B3GNT5: variants seen among roughly 807,000 people sequenced by gnomAD.
The protein encoded by B3GNT5 is lactosylceramide 1,3-N-acetyl-beta-D-glucosaminyltransferase.
A neutral mutation model predicts 25.9 loss-of-function variants in B3GNT5; 11 were observed. The observed-to-expected ratio is 0.42, with a 90% CI of 0.27 to 0.70. The LOEUF is 0.70. Among genes scored for constraint, B3GNT5 ranks in the 30% least tolerant of loss-of-function variants. B3GNT5 has a pLI of 0.23. For synonymous variants in B3GNT5, 166 were observed against 158.6 expected (o/e 1.05, Z -0.35); for missense variants, 385 against 458.4 (o/e 0.84, Z 1.46).
chr3:183,266,444 G>A (rs1408756170), intron 1 of B3GNT5, among the ~76,000 whole-genome samples: 2 of 152,216 alleles, frequency 1.3e-5, no homozygotes, highest in Non-Finnish European at 2.9e-5. Context: ...TCTCAAAAAT[G>A]TGTATGCTGG....
chr3:183,261,995 CAT>C (rs61309164), intron 1 of B3GNT5, among the ~76,000 whole-genome samples: 12,975 of 128,362 alleles, frequency 0.1, 1,961 homozygotes, highest in African/African-American at 0.32. Flanking sequence ...ATTGGGCATT[CAT>C]ATATATATAT....
intron 1 of B3GNT5, among the ~76,000 whole-genome samples, chr3:183,255,652 G>A (rs1367587093): frequency 6.6e-6 from 1 of 152,174 alleles, no homozygotes; most frequent in Non-Finnish European, 1.5e-5. Flanking sequence ...AGGTAGAGAT[G>A]CTTATAACTG....
intron 1 of B3GNT5, chr3:183,254,491 C>G (rs560011604): frequency 6.6e-6 from 1 of 152,248 alleles, no homozygotes; most frequent in South Asian, 2.1e-4. Flanking sequence ...CGGGCCGCCG[C>G]CCAGGTGCGG....
At position 183,267,396 on chromosome 3, in the gene B3GNT5, G is replaced by GA. The variant is rs1726257994; in HGVS notation, c.-301-2101dup. ...TGGCCTTTGCCTCCACCCTGATGTG[G>GA]AGTGATCATGGGGGTGGGAAATATA... On this transcript the variant is annotated intron_variant, in intron 1 of 1. Transcript: ENST00000326505. The surrounding 1 kb of genome is among the most constrained non-coding windows in gnomAD (Gnocchi z 5.5). 1.3e-5 allele frequency among the ~76,000 whole-genome samples: 2 copies of GA among 152,234 alleles called. No individual in the cohort carries two copies. Among genetic ancestry groups the GA allele is most frequent in the Admixed American group, 1.3e-4 (2 of 15,284 alleles).
rs143927350 is a variant in B3GNT5 at position 183,267,451 on chromosome 3, G to A, written c.-301-2047G>A. Among the ~76,000 whole-genome samples, 48 of 152,342 alleles carry A rather than the reference G, an allele frequency of 3.2e-4. No individual in the cohort carries two copies. Among genetic ancestry groups the A allele is most frequent in the African/African-American group, 1.1e-3 (44 of 41,582 alleles). On this transcript the variant is annotated intron_variant, in intron 1 of 1. Transcript: ENST00000326505. The surrounding 1 kb of genome is among the most constrained non-coding windows in gnomAD (Gnocchi z 5.5). The stretch of plus-strand genomic sequence containing the variant: ...GATCCGAAAGCTCTGAAGTGGGGAT[G>A]GAGGTGTCACAGCTGAGGCTAGGCC...
chr3:183,270,639 A>C lies in B3GNT5; in HGVS notation c.841A>C (p.Ile281Leu). 6.2e-7 allele frequency: 1 copy of C among 1,614,226 alleles called. No individual in the cohort carries two copies. The highest frequency in any genetic ancestry group is 8.5e-7 in the Non-Finnish European group (1 of 1,180,044). ...ACAGACACTAAATTCAAGTCTTTACATAGACGATGTGTTCATGGGCCTCTG... is the reference window on the plus strand; with the variant it reads ...ACAGACACTAAATTCAAGTCTTTACCTAGACGATGTGTTCATGGGCCTCTG... The part of the protein sequence containing the change: ...ASQTLNSSLY[I>L]DDVFMGLCAN... The change falls in exon 2 of 2, where the codon ATA (isoleucine) becomes CTA (leucine). Residue 281 changes from isoleucine (I) to leucine (L), a missense_variant. Ile to Leu is a conservative substitution (Grantham distance 5). Transcript: ENST00000326505. This position sits in a 1 kb window ranked among gnomAD's most constrained non-coding sequence, Gnocchi z 4.5.
In B3GNT5 at chr3:183,272,481, A is replaced by G; in HGVS notation, c.*1546A>G. On this transcript the variant is annotated 3_prime_UTR_variant, in exon 2 of 2. Transcript: ENST00000326505. Reference sequence around the variant, plus strand: ...TACACAACTGAATGATGATACTTACAATTTTTAGCAGGTAGCTTTTTAATG... The same window carrying G: ...TACACAACTGAATGATGATACTTACGATTTTTAGCAGGTAGCTTTTTAATG... The G allele has an allele frequency of 1.0e-6, 1 of 998,756 alleles. No individual in the cohort carries two copies. The highest frequency in any genetic ancestry group is 1.2e-6 in the Non-Finnish European group (1 of 828,846). 61.9% of individuals were successfully genotyped at this position (998,756 alleles called of 1,614,324 possible). A position where few individuals can be genotyped will look rare whatever the true frequency, so the allele number is the denominator to read the frequency against.
intron 1 of B3GNT5, among the ~76,000 whole-genome samples, chr3:183,262,719 G>T (rs767370565): frequency 1.1e-4 from 17 of 151,520 alleles, no homozygotes; most frequent in Admixed American, 3.9e-4. Context: ...TCTTCAGGGT[G>T]GGGGGGACAG....
Position 183,257,958 on chromosome 3 carries a change from C to CTTTTTT in B3GNT5, c.-302+4508_-302+4513dup, listed in dbSNP as rs35323502. On this transcript the variant is annotated intron_variant, in intron 1 of 1. Coordinates refer to ENST00000326505, the MANE Select transcript of B3GNT5 (RefSeq NM_032047.5). The stretch of plus-strand genomic sequence containing the variant: ...TATTCCTTGCTCCCTCCACTTCACC[C>CTTTTTT]TTTTTTTTTTTTTTTTTTTTTTTTT... Among the ~76,000 whole-genome samples the CTTTTTT allele has an allele frequency of 4.2e-3, 272 of 64,742 alleles. 50 individuals carry two copies. The highest frequency in any genetic ancestry group is 0.016 in the African/African-American group (232 of 14,400). The allele number at this position is 64,742 out of a possible 152,430, so 42.5% of individuals were successfully genotyped here.
At chr3:183,256,641 C>G (rs1286539001) in intron 1 of B3GNT5, among the ~76,000 whole-genome samples, 2 of 152,170 alleles carry the variant, frequency 1.3e-5, no homozygotes, top group Non-Finnish European at 2.9e-5. Flanking sequence ...GTTCTACAGC[C>G]TAAGATCCAC....
chr3:183,272,168 AT>A lies in B3GNT5; in HGVS notation c.*1234del. 1.0e-6 allele frequency: 1 copy of A among 1,000,300 alleles called. No individual in the cohort carries two copies. 62.0% of individuals were successfully genotyped at this position (1,000,300 alleles called of 1,614,324 possible). Reference sequence around the variant, plus strand: ...TTTTTAAAGCTGCATGTTCCTTGTAATCAAAGAGATGTGTCTGAGATCTAAT... The same window carrying A: ...TTTTTAAAGCTGCATGTTCCTTGTAACAAAGAGATGTGTCTGAGATCTAAT... On this transcript the variant is annotated 3_prime_UTR_variant, in exon 2 of 2. Coordinates refer to ENST00000326505, the MANE Select transcript of B3GNT5 (RefSeq NM_032047.5).
intron 1 of B3GNT5, among the ~76,000 whole-genome samples, chr3:183,264,816 G>C (rs929100159): frequency 6.6e-6 from 1 of 152,182 alleles, no homozygotes; most frequent in Admixed American, 6.5e-5. Flanking sequence ...AAAGTTTAAA[G>C]AGCTCTCTTG....
At position 183,270,620 on chromosome 3, in the gene B3GNT5, A is replaced by G. The variant is rs1243950974; in HGVS notation, c.822A>G (p.Thr274=). The change falls in exon 2 of 2, where the codon ACA becomes ACG. Residue 274 remains threonine, a synonymous_variant. Transcript: ENST00000326505. This position sits in a 1 kb window ranked among gnomAD's most constrained non-coding sequence, Gnocchi z 4.5. ...CCAAAGTCTATGAGGCATCACAGACACTAAATTCAAGTCTTTACATAGACG... is the reference window on the plus strand; with the variant it reads ...CCAAAGTCTATGAGGCATCACAGACGCTAAATTCAAGTCTTTACATAGACG... ...VAAKVYEASQ[T]LNSSLYIDDV... 3 of 1,614,102 alleles carry G rather than the reference A, an allele frequency of 1.9e-6. No homozygotes were observed. Among genetic ancestry groups the G allele is most frequent in the Non-Finnish European group, 2.5e-6 (3 of 1,180,052 alleles).
At chr3:183,255,890 G>A (rs937018664) in intron 1 of B3GNT5, among the ~76,000 whole-genome samples, 4 of 151,958 alleles carry the variant, frequency 2.6e-5, no homozygotes, top group Admixed American at 6.6e-5. Context: ...TTTTGAAATG[G>A]GTCATCTTTT....
intron 1 of B3GNT5, among the ~76,000 whole-genome samples, chr3:183,261,351 T>A (rs1725565271): frequency 6.6e-6 from 1 of 152,166 alleles, no homozygotes. Flanking sequence ...ATACTTGGAA[T>A]ATAGAACAAA....
At position 183,272,875 on chromosome 3, in the gene B3GNT5, A is replaced by G; in HGVS notation, c.*1940A>G. 1 of 1,299,322 alleles carries G rather than the reference A, an allele frequency of 7.7e-7. No homozygotes were observed. Among genetic ancestry groups the G allele is most frequent in the Non-Finnish European group, 9.9e-7 (1 of 1,015,130 alleles). 80.5% of individuals were successfully genotyped at this position (1,299,322 alleles called of 1,614,324 possible). A position where few individuals can be genotyped will look rare whatever the true frequency, so the allele number is the denominator to read the frequency against. ...CCATCAAAGTGATCTTGTTTACAGC[A>G]GTGCTTTTGTGAAACAATTATTTAT... On this transcript the variant is annotated 3_prime_UTR_variant, in exon 2 of 2. Coordinates refer to ENST00000326505, the MANE Select transcript of B3GNT5 (RefSeq NM_032047.5).
chr3:183,262,677 T>C (rs2108423659), intron 1 of B3GNT5, among the ~76,000 whole-genome samples: 1 of 150,190 alleles, frequency 6.7e-6, no homozygotes, highest in South Asian at 2.1e-4. Flanking sequence ...TGATGTCTCC[T>C]CCTTTCTCTA....
chr3:183,258,093 G>A (rs996849408), intron 1 of B3GNT5, among the ~76,000 whole-genome samples: 3 of 146,038 alleles, frequency 2.1e-5, no homozygotes, highest in East Asian at 4.4e-4. Flanking sequence ...TCAGCCTCCC[G>A]AGTAGCTGGG....
chr3:183,254,264 T>A (rs1724810843), intron 1 of B3GNT5: 1 of 151,414 alleles, frequency 6.6e-6, no homozygotes. Context: ...CGGGGGCGCG[T>A]GGCTGGCGTG....
Sources: gnomAD v4.1 joint callset for allele counts (sites outside exome capture counted in the v4.1 genomes callset) on GRCh38, gnomAD v4.1.1 for gene constraint, Gnocchi (gnomAD v3.1) non-coding constraint, MANE v1.5 for transcripts, NCBI Gene and HGNC (gene_info 2026-07-23, HGNC 2026-07-21) for gene names.